NCOA1: variants seen among roughly 807,000 people sequenced by gnomAD.
The protein encoded by NCOA1 is Hin-2 protein.
In NCOA1, 35 loss-of-function variants were observed where a neutral mutation model predicts 150.9. The ratio of observed to expected loss-of-function variants is 0.23; its 90% CI spans 0.18 to 0.31. The LOEUF (loss-of-function observed/expected upper bound fraction) is 0.31. Among genes scored for constraint, NCOA1 ranks in the 10% least tolerant of loss-of-function variants. NCOA1 has a pLI of 1.00. For synonymous variants in NCOA1, 590 were observed against 630.0 expected (o/e 0.94, Z 0.95); for missense variants, 1,491 against 1,749.3 (o/e 0.85, Z 2.63).
At chr2:24,652,859 CTTAT>C (rs1470248950) in intron 4 of NCOA1, among the ~76,000 whole-genome samples, 5 of 152,146 alleles carry the variant, frequency 3.3e-5, no homozygotes, top group African/African-American at 1.2e-4. Context: ...CTTAATGATT[CTTAT>C]TTAAGTACCC....
intron 20 of NCOA1, among the ~76,000 whole-genome samples, chr2:24,757,551 T>A (rs1664562333): frequency 6.6e-6 from 1 of 152,144 alleles, no homozygotes; most frequent in Admixed American, 6.5e-5. Flanking sequence ...TGTCTTTGAA[T>A]CATTCATTCG....
At chr2:24,600,183 C>G (rs1278829577) in intron 3 of NCOA1, among the ~76,000 whole-genome samples, 1 of 152,142 alleles carries the variant, frequency 6.6e-6, no homozygotes, top group East Asian at 1.9e-4. Flanking sequence ...TTGGGAGCAG[C>G]ATTGCGATTA....
intron 4 of NCOA1, among the ~76,000 whole-genome samples, chr2:24,648,823 T>A (rs909445102): frequency 2.0e-5 from 3 of 152,060 alleles, no homozygotes; most frequent in Admixed American, 6.5e-5. Flanking sequence ...CTATACTGTA[T>A]TCTGAAATGG....
intron 1 of NCOA1, among the ~76,000 whole-genome samples, chr2:24,552,775 G>C (rs936328609): frequency 6.6e-6 from 1 of 151,784 alleles, no homozygotes; most frequent in African/African-American, 2.4e-5. Flanking sequence ...CTAATTATTC[G>C]TTACTACCAC....
At chr2:24,762,611 T>C (rs1202101596) in intron 21 of NCOA1, 76 bp from the exon 22 acceptor site, 4 of 1,265,560 alleles carry the variant, frequency 3.2e-6, no homozygotes, top group Non-Finnish European at 3.4e-6. Context: ...GTCAGTGAGA[T>C]TGTTTTTCAT....
Position 24,630,272 on chromosome 2 carries a change from C to T in NCOA1, c.-174-13694C>T, listed in dbSNP as rs569091131. ...AAAAGCTGTAAATGGAGTTGAACTC[C>T]AGAATCTATACTTTTAATCTTAATG... On this transcript the variant is annotated intron_variant, in intron 3 of 22. Transcript: ENST00000348332. 3.3e-5 allele frequency among the ~76,000 whole-genome samples: 5 copies of T among 152,262 alleles called. No individual in the cohort carries two copies. In the South Asian group the frequency reaches 8.3e-4, roughly 25 times the overall value.
rs199995184 is a variant in NCOA1, at chr2:24,665,945, T to C, written c.256+30T>C. The C allele has an allele frequency of 2.2e-6, 3 of 1,336,592 alleles. No homozygotes were observed. The East Asian group carries it at 8.2e-5, about 37-fold the overall frequency. 82.8% of individuals were successfully genotyped at this position (1,336,592 alleles called of 1,614,324 possible). A position where few individuals can be genotyped will look rare whatever the true frequency, so the allele number is the denominator to read the frequency against. On this transcript the variant is annotated intron_variant, in intron 6 of 22. Transcript: ENST00000348332. ...AAAAGAAAAAGAAAACCCATGGCTG[T>C]GTGCTTTGTTATTAAGACATTTATA...
intron 3 of NCOA1, among the ~76,000 whole-genome samples, chr2:24,602,998 A>G (rs1308270813): frequency 1.3e-5 from 2 of 152,188 alleles, no homozygotes; most frequent in African/African-American, 4.8e-5. Flanking sequence ...CACTTATTTT[A>G]TCAAACTTTT....
At chr2:24,667,835 C>T (rs959474489) in intron 6 of NCOA1, among the ~76,000 whole-genome samples, 6 of 152,204 alleles carry the variant, frequency 3.9e-5, no homozygotes, top group Admixed American at 1.3e-4. Context: ...TGCTCAAATA[C>T]GTCTTCTGAG....
chr2:24,527,979 CTT>C (rs1316389170), intron 1 of NCOA1, among the ~76,000 whole-genome samples: 1 of 152,118 alleles, frequency 6.6e-6, no homozygotes, highest in African/African-American at 2.4e-5. Context: ...GGAGAAATGT[CTT>C]TTGAGGTCCT....
intron 10 of NCOA1, among the ~76,000 whole-genome samples, chr2:24,695,910 ATGCATATGCCTCCCTTAGTCAC>A (rs1314656915): frequency 6.6e-6 from 1 of 152,170 alleles, no homozygotes; most frequent in Non-Finnish European, 1.5e-5. Context: ...GAACACACAC[ATGCATATGCCTCCCTTAGTCAC>A]TGCCTGTGAG....
chr2:24,741,442 A>G (rs1000216735), intron 18 of NCOA1, among the ~76,000 whole-genome samples: 3 of 152,152 alleles, frequency 2.0e-5, no homozygotes, highest in Non-Finnish European at 4.4e-5. Flanking sequence ...TCTCTTAACA[A>G]TGTTCATGGC....
chr2:24,705,805 A>G (rs2289394), intron 12 of NCOA1, among the ~76,000 whole-genome samples: 77,828 of 151,940 alleles, frequency 0.51, 21,492 homozygotes, highest in Admixed American at 0.67. Flanking sequence ...ATTAAAAACA[A>G]AGACATTTCC....
chr2:24,689,243 C>T (rs1391373354), intron 8 of NCOA1, among the ~76,000 whole-genome samples: 2 of 152,070 alleles, frequency 1.3e-5, no homozygotes, highest in African/African-American at 2.4e-5. Context: ...ATAATTTCTT[C>T]CAGTTCTGTG....
At chr2:24,493,330 A>G in intron 1 of NCOA1, among the ~76,000 whole-genome samples, 1 of 152,190 alleles carries the variant, frequency 6.6e-6, no homozygotes, top group East Asian at 1.9e-4. Flanking sequence ...GGTCACAGAG[A>G]GGGTCTGAGT....
intron 1 of NCOA1, among the ~76,000 whole-genome samples, chr2:24,517,687 AC>A (rs1664263037): frequency 6.6e-6 from 1 of 152,218 alleles, no homozygotes; most frequent in Non-Finnish European, 1.5e-5. Flanking sequence ...ACCAGAGCAC[AC>A]ATGTGAAGTG....
chr2:24,613,493 C>T (rs1668731442), intron 3 of NCOA1, among the ~76,000 whole-genome samples: 2 of 152,304 alleles, frequency 1.3e-5, no homozygotes, highest in South Asian at 2.1e-4. Context: ...CCACCAAGCA[C>T]CCAGAGGTGG....
intron 1 of NCOA1, among the ~76,000 whole-genome samples, chr2:24,530,748 G>C (rs77458118): frequency 0.014 from 2,148 of 152,308 alleles, 24 homozygotes; most frequent in Non-Finnish European, 0.023. Flanking sequence ...AATCTCTTCA[G>C]TGCTGGTAGA....
At chr2:24,634,538 G>A (rs1336541156) in intron 3 of NCOA1, among the ~76,000 whole-genome samples, 1 of 151,994 alleles carries the variant, frequency 6.6e-6, no homozygotes, top group Non-Finnish European at 1.5e-5. Flanking sequence ...CAGTACATAC[G>A]CCAGAATCCA....
Sources: allele counts gnomAD v4.1 joint callset (sites outside exome capture counted in the v4.1 genomes callset), GRCh38; gene constraint gnomAD v4.1.1; transcripts MANE v1.5; gene names NCBI Gene and HGNC (gene_info 2026-07-23, HGNC 2026-07-21).